Variants in ZNF385D observed in about 807,000 individuals in gnomAD.
ZNF385D encodes the protein zinc finger protein 385D.
Under a neutral mutation model 35.8 loss-of-function variants are expected in ZNF385D, and 15 were observed. The observed-to-expected ratio is 0.42, with a 90% CI of 0.28 to 0.64. The LOEUF (loss-of-function observed/expected upper bound fraction) is 0.64, where lower values mean the gene tolerates loss of function less well. ZNF385D is among the 30% of genes least tolerant of loss of function. The pLI is 0.23. For missense variants in ZNF385D, 474 were observed against 494.6 expected (o/e 0.96, Z 0.39); for synonymous variants, 212 against 186.8 (o/e 1.13, Z -1.10).
chr3:21,818,074 A>C (rs1009310701), intron 3 of ZNF385D, among the ~76,000 whole-genome samples: 9 of 152,120 alleles, frequency 5.9e-5, no homozygotes, highest in African/African-American at 1.9e-4. Flanking sequence ...AAACTATCAC[A>C]AGGACAGAAA....
At chr3:22,222,601 G>C (rs62246503) in intron 2 of ZNF385D, among the ~76,000 whole-genome samples, 1 of 152,146 alleles carries the variant, frequency 6.6e-6, no homozygotes. Context: ...CAATGGACTA[G>C]CTATACGACT....
chr3:22,111,149 T>C (rs1399054153), intron 3 of ZNF385D, among the ~76,000 whole-genome samples: 2 of 134,562 alleles, frequency 1.5e-5, no homozygotes, highest in East Asian at 4.4e-4. Flanking sequence ...GGCTCCATGT[T>C]GGATTTTTTT....
intron 3 of ZNF385D, among the ~76,000 whole-genome samples, chr3:22,057,098 T>C (rs1026307036): frequency 1.3e-5 from 2 of 152,218 alleles, no homozygotes; most frequent in Admixed American, 6.5e-5. Flanking sequence ...ATCTGATCAG[T>C]TGCTACGTGA....
intron 3 of ZNF385D, among the ~76,000 whole-genome samples, chr3:21,798,653 C>T (rs2072262021): frequency 1.3e-5 from 2 of 152,106 alleles, no homozygotes; most frequent in African/African-American, 4.8e-5. Flanking sequence ...ATCTATGCCA[C>T]ATAATGTAAT....
chr3:21,844,428 C>A (rs1347663632), intron 3 of ZNF385D, among the ~76,000 whole-genome samples: 1 of 144,820 alleles, frequency 6.9e-6, no homozygotes, highest in East Asian at 1.9e-4. Flanking sequence ...ATAGATGGTG[C>A]TTTCTTGGGG....
At chr3:22,180,451 C>A (rs905752082) in intron 2 of ZNF385D, among the ~76,000 whole-genome samples, 9 of 152,154 alleles carry the variant, frequency 5.9e-5, no homozygotes, top group African/African-American at 1.9e-4. Flanking sequence ...CAGCATCATC[C>A]TGATACCAAA....
chr3:22,127,316 G>GTTTTTTTTTTTTTTTTTTTTTT (rs1559389409), intron 3 of ZNF385D, among the ~76,000 whole-genome samples: 1 of 76,050 alleles, frequency 1.3e-5, no homozygotes, highest in African/African-American at 5.4e-5. Context: ...TTCATTTCCT[G>GTTTTTTTTTTTTTTTTTTTTTT]CTTTTTTTTT....
At chr3:22,349,994 G>C (rs1291360917) in intron 2 of ZNF385D, among the ~76,000 whole-genome samples, 1 of 152,150 alleles carries the variant, frequency 6.6e-6, no homozygotes, top group Non-Finnish European at 1.5e-5. Context: ...CCTTGGCTAT[G>C]TTGTAAGTAA....
At position 21,475,530 on chromosome 3, in the gene ZNF385D, G is replaced by A. The variant is rs538380807; in HGVS notation, c.439+35331C>T. ...GGTTTATCTTTTCTTAAAATCCAAA[G>A]TTATTATTTAGACTGACTTCTCTAA... On this transcript the variant is annotated intron_variant, in intron 4 of 7. Coordinates refer to ENST00000281523, the MANE Select transcript of ZNF385D (RefSeq NM_024697.3). Among the ~76,000 whole-genome samples, 360 of 152,144 alleles carry A rather than the reference G, an allele frequency of 2.4e-3. 2 individuals are homozygous for A. The highest frequency in any genetic ancestry group is 3.4e-3 in the Middle Eastern group (1 of 294).
intron 2 of ZNF385D, among the ~76,000 whole-genome samples, chr3:21,627,175 C>G (rs568585145): frequency 1.3e-5 from 2 of 150,690 alleles, no homozygotes; most frequent in Non-Finnish European, 2.9e-5. Flanking sequence ...ATTTGCTAGG[C>G]TATTTGTTTC....
chr3:22,101,227 G>A (rs765207889), intron 3 of ZNF385D, among the ~76,000 whole-genome samples: 26 of 152,128 alleles, frequency 1.7e-4, no homozygotes, highest in Non-Finnish European at 3.7e-4. Context: ...TTCTCACAAA[G>A]TCATGAATGA....
intron 4 of ZNF385D, among the ~76,000 whole-genome samples, chr3:21,494,817 A>G (rs780086669): frequency 7.2e-5 from 11 of 152,150 alleles, no homozygotes; most frequent in Non-Finnish European, 1.5e-4. Flanking sequence ...TGAGTACTCA[A>G]TGTTGATTAA....
At chr3:21,753,786 TTGTTGTG>T (rs1224936198), upstream of ZNF385D, among the ~76,000 whole-genome samples, 8 of 109,338 alleles carry the variant, frequency 7.3e-5, no homozygotes, top group East Asian at 2.6e-3. Context: ...GTTGTTGTTG[TTGTTGTG>T]TGTGTGTGTG....
chr3:22,128,162 A>T (rs1703552458), intron 3 of ZNF385D, among the ~76,000 whole-genome samples: 1 of 152,182 alleles, frequency 6.6e-6, no homozygotes, highest in South Asian at 2.1e-4. Flanking sequence ...ATACTATTCT[A>T]AGTTAAAAGT....
chr3:22,124,974 A>C (rs1703343489), intron 3 of ZNF385D, among the ~76,000 whole-genome samples: 2 of 152,076 alleles, frequency 1.3e-5, no homozygotes. Flanking sequence ...GTGGGGTATT[A>C]TTCAAGAAAT....
In ZNF385D at chr3:22,143,059, TTGTGTGTG is replaced by T. The variant is rs57448532; in HGVS notation, c.325+25750_325+25757del. ...CATTTGATATATTCTATTAAATCGG[TTGTGTGTG>T]TGTGTGTGTGTGTGTGTGTGTGTGT... On this transcript the variant is annotated intron_variant, in intron 3 of 5. Coordinates refer to the ZNF385D transcript ENST00000494108. 6.3e-3 allele frequency among the ~76,000 whole-genome samples: 883 copies of T among 140,982 alleles called. 8 individuals carry two copies. Among genetic ancestry groups the T allele is most frequent in the South Asian group, 0.036 (151 of 4,164 alleles). 92.5% of individuals were successfully genotyped at this position (140,982 alleles called of 152,430 possible).
chr3:22,318,182 G>C (rs1011496208), intron 2 of ZNF385D, among the ~76,000 whole-genome samples: 1 of 152,152 alleles, frequency 6.6e-6, no homozygotes, highest in African/African-American at 2.4e-5. Context: ...TGAAATGCTA[G>C]GGGTGGAGAA....
chr3:22,175,153 C>T (rs1433968873), intron 2 of ZNF385D, among the ~76,000 whole-genome samples: 1 of 151,728 alleles, frequency 6.6e-6, no homozygotes, highest in African/African-American at 2.4e-5. Flanking sequence ...AATTCTTATA[C>T]AATTTTCTTG....
chr3:22,257,272 G>C (rs1033042448), intron 2 of ZNF385D, among the ~76,000 whole-genome samples: 10 of 151,882 alleles, frequency 6.6e-5, no homozygotes, highest in Middle Eastern at 3.4e-3. Flanking sequence ...AGGACTGTTA[G>C]ATTCTACACT....
Sources: allele counts gnomAD v4.1 joint callset (sites outside exome capture counted in the v4.1 genomes callset), GRCh38; gene constraint gnomAD v4.1.1; transcripts MANE v1.5; gene names NCBI Gene and HGNC (gene_info 2026-07-23, HGNC 2026-07-21).